The following ASCC1 variants were observed in gnomAD, a reference collection of about 807,000 sequenced individuals.
The protein encoded by ASCC1 is ASC-1 complex subunit P50.
Under a neutral mutation model 46.6 loss-of-function variants are expected in ASCC1, and 35 were observed. The ratio of observed to expected loss-of-function variants is 0.75; its 90% CI spans 0.57 to 0.99. The LOEUF (loss-of-function observed/expected upper bound fraction) is 0.99. ASCC1 is among the 50% of genes least tolerant of loss of function. ASCC1 has a pLI of 0.00. For synonymous variants in ASCC1, 143 were observed against 146.6 expected (o/e 0.98, Z 0.18); for missense variants, 376 against 428.7 (o/e 0.88, Z 1.09).
chr10:72,132,976 G>C (rs1845775831), intron 8 of ASCC1, 81 bp downstream of exon 8: 1 of 1,570,116 alleles, frequency 6.4e-7, no homozygotes, highest in African/African-American at 1.3e-5. Context: ...GAGATTCTTT[G>C]ATAGCTCATT....
chr10:72,179,482 A>G (rs2132996844), intron 5 of ASCC1, among the ~76,000 whole-genome samples: 1 of 152,260 alleles, frequency 6.6e-6, no homozygotes, highest in East Asian at 1.9e-4. Flanking sequence ...TTCCCATTCA[A>G]ATAACTTTTC....
intron 3 of ASCC1, chr10:72,204,410 T>C: frequency 6.4e-7 from 1 of 1,550,416 alleles, no homozygotes. Context: ...TTGACTCATT[T>C]ACATTACTTG....
At chr10:72,210,584 T>A in intron 3 of ASCC1, 148 bp downstream of exon 3, 5 of 689,846 alleles carry the variant, frequency 7.2e-6, no homozygotes, top group Non-Finnish European at 1.0e-5. Flanking sequence ...TAATCTGTAA[T>A]CAGTCCTTTG....
intron 5 of ASCC1, among the ~76,000 whole-genome samples, chr10:72,167,306 C>T (rs1850473871): frequency 1.3e-5 from 2 of 152,160 alleles, no homozygotes; most frequent in African/African-American, 4.8e-5. Flanking sequence ...CATGCAAAAA[C>T]ATAGATAAGC....
In ASCC1 at chr10:72,124,927, T is replaced by C. The variant is rs184196268; in HGVS notation, c.957+3155A>G. Among the ~76,000 whole-genome samples, 372 of 152,274 alleles carry C rather than the reference T, an allele frequency of 2.4e-3. 3 individuals carry two copies. Among genetic ancestry groups the C allele is most frequent in the African/African-American group, 8.3e-3 (347 of 41,562 alleles). ...GAATAACACAGGAGAATGATTCTAG[T>C]TGTCAGTTCTTAATTCAAAGTCTTT... On this transcript the variant is annotated intron_variant, in intron 9 of 9. Transcript: ENST00000672957.
At chr10:72,209,102 C>T (rs965435682) in intron 3 of ASCC1, among the ~76,000 whole-genome samples, 9 of 150,498 alleles carry the variant, frequency 6.0e-5, no homozygotes, top group Admixed American at 6.7e-5. Context: ...GAAGTCAAGG[C>T]TACAGTGAGC....
chr10:72,196,062 C>G (rs1008216422), intron 5 of ASCC1, among the ~76,000 whole-genome samples: 1 of 151,960 alleles, frequency 6.6e-6, no homozygotes, highest in Non-Finnish European at 1.5e-5. Flanking sequence ...AACTTGTTTT[C>G]TAATCTGGAT....
chr10:72,171,039 T>A (rs960596883), intron 5 of ASCC1, among the ~76,000 whole-genome samples: 2 of 152,190 alleles, frequency 1.3e-5, no homozygotes, highest in Non-Finnish European at 2.9e-5. Context: ...CAACTCACTC[T>A]AAAGCAGTTG....
At chr10:72,187,738 A>AAAC (rs1853710244) in intron 5 of ASCC1, among the ~76,000 whole-genome samples, 1 of 149,794 alleles carries the variant, frequency 6.7e-6, no homozygotes, top group African/African-American at 2.5e-5. Flanking sequence ...AAAAAAAAAA[A>AAAC]AAAACTGGTT....
At chr10:72,198,365 GGGGGA>G (rs1855934087) in intron 4 of ASCC1, 1 of 88,076 alleles carries the variant, frequency 1.1e-5, no homozygotes, top group South Asian at 6.9e-5. Context: ...GGGGAGGGGA[GGGGGA>G]GGGGAGGGAA....
intron 9 of ASCC1, among the ~76,000 whole-genome samples, chr10:72,127,179 C>G (rs564261657): frequency 8.0e-4 from 122 of 152,268 alleles, no homozygotes; most frequent in Non-Finnish European, 1.3e-3. Context: ...AGCAAAACAC[C>G]CATAGCCTTG....
rs189437858 is a variant in ASCC1, at chr10:72,187,885, A to G, written c.489+8926T>C. On this transcript the variant is annotated intron_variant, in intron 5 of 9. Coordinates refer to ENST00000672957, the MANE Select transcript of ASCC1 (RefSeq NM_001198800.3). ...GGAGAATCGCTTGAACCCAGGAGGC[A>G]GAGCCTGCAGTGAGCCGAGATCAAA... Among the ~76,000 whole-genome samples the G allele has an allele frequency of 2.5e-3, 368 of 146,488 alleles. 1 individual carries two copies. The highest frequency in any genetic ancestry group is 8.7e-3 in the African/African-American group (343 of 39,500).
At chr10:72,114,592 C>T (rs990738098) in intron 9 of ASCC1, among the ~76,000 whole-genome samples, 2 of 147,140 alleles carry the variant, frequency 1.4e-5, no homozygotes, top group African/African-American at 5.1e-5. Flanking sequence ...CCACTGCACT[C>T]CAGCCTGGGT....
chr10:72,162,771 C>T (rs1379924092), intron 5 of ASCC1, among the ~76,000 whole-genome samples: 1 of 151,898 alleles, frequency 6.6e-6, no homozygotes, highest in African/African-American at 2.4e-5. Flanking sequence ...GGTGAAACCC[C>T]ATCTCTACCA....
chr10:72,215,136 C>T (rs918482000), intron 1 of ASCC1, among the ~76,000 whole-genome samples: 10 of 152,220 alleles, frequency 6.6e-5, no homozygotes, highest in African/African-American at 2.4e-4. Context: ...GGCGCGGTGG[C>T]TCACGTCTGT....
intron 9 of ASCC1, among the ~76,000 whole-genome samples, chr10:72,104,798 G>C (rs925321378): frequency 1.3e-5 from 2 of 152,118 alleles, no homozygotes; most frequent in African/African-American, 2.4e-5. Context: ...ATGGAAATAG[G>C]ATTAAAACTG....
At chr10:72,195,387 A>C (rs1855250143) in intron 5 of ASCC1, among the ~76,000 whole-genome samples, 1 of 151,622 alleles carries the variant, frequency 6.6e-6, no homozygotes, top group Non-Finnish European at 1.5e-5. Context: ...AAGCTCAAGC[A>C]ATCTACCTGC....
intron 3 of ASCC1, among the ~76,000 whole-genome samples, chr10:72,205,630 CAAAA>C (rs35572254): frequency 8.6e-6 from 1 of 116,854 alleles, no homozygotes; most frequent in African/African-American, 3.0e-5. Context: ...AACTCCATCT[CAAAA>C]AAAAAAAAAA....
At chr10:72,113,957 T>G (rs1589206946) in intron 9 of ASCC1, among the ~76,000 whole-genome samples, 1 of 152,204 alleles carries the variant, frequency 6.6e-6, no homozygotes, top group Non-Finnish European at 1.5e-5. Flanking sequence ...CTGACATTCA[T>G]GCTAATTGTA....
Sources: gnomAD v4.1 joint callset for allele counts (sites outside exome capture counted in the v4.1 genomes callset) on GRCh38, gnomAD v4.1.1 for gene constraint, MANE v1.5 for transcripts, NCBI Gene and HGNC (gene_info 2026-07-23, HGNC 2026-07-21) for gene names.